Variants in PDPK1 observed in about 807,000 individuals in gnomAD.
PDPK1 encodes the protein 3-phosphoinositide dependent protein kinase 1.
A neutral mutation model predicts 39.8 loss-of-function variants in PDPK1; 7 were observed. The ratio of observed to expected loss-of-function variants is 0.18; its 90% CI spans 0.10 to 0.33. The LOEUF (loss-of-function observed/expected upper bound fraction) is 0.33. Ranked by LOEUF, PDPK1 falls within the 10% of genes least tolerant of loss-of-function variation. PDPK1 has a pLI of 1.00. For synonymous variants in PDPK1, 118 were observed against 159.1 expected (o/e 0.74, Z 1.95); for missense variants, 182 against 384.7 (o/e 0.47, Z 4.41).
In PDPK1 at chr16:2,602,658, G is replaced by A. The variant is rs1350713080; in HGVS notation, c.*4891G>A. The A allele has an allele frequency of 4.7e-5, 11 of 234,684 alleles. No individual in the cohort carries two copies. The highest frequency in any genetic ancestry group is 8.5e-5 in the Non-Finnish European group (10 of 118,046). 14.5% of individuals were successfully genotyped at this position (234,684 alleles called of 1,614,324 possible). ...TACAGTATTTAGAGCTGCTGTAGCT[G>A]TTCCTTCACAACATAAAATAGGATA... On this transcript the variant is annotated 3_prime_UTR_variant, in exon 14 of 14. Coordinates refer to ENST00000342085, the MANE Select transcript of PDPK1 (RefSeq NM_002613.5).
Position 2,602,462 on chromosome 16 carries a change from G to A in PDPK1, c.*4695G>A, listed in dbSNP as rs1320208597. 4.3e-6 allele frequency: 1 copy of A among 235,168 alleles called. No homozygotes were observed. The highest frequency in any genetic ancestry group is 2.2e-5 in the African/African-American group (1 of 45,352). The allele number at this position is 235,168 out of a possible 1,614,324, so 14.6% of individuals were successfully genotyped here. On this transcript the variant is annotated 3_prime_UTR_variant, in exon 14 of 14. Transcript: ENST00000342085. The stretch of plus-strand genomic sequence containing the variant: ...CCGTAACTCATTTCTTCCATATGAA[G>A]AAACACCAAACTATGTACAGAGAAC...
At chr16:2,577,792 G>T (rs138961884) in intron 7 of PDPK1, among the ~76,000 whole-genome samples, 4,027 of 149,108 alleles carry the variant, frequency 0.027, 153 homozygotes, top group African/African-American at 0.096. Flanking sequence ...AGACTGGAGT[G>T]CAGTGGCACC....
chr16:2,585,826 C>T (rs919296926), intron 10 of PDPK1, among the ~76,000 whole-genome samples: 4 of 152,198 alleles, frequency 2.6e-5, no homozygotes, highest in African/African-American at 7.2e-5. Context: ...TGGATGGTTG[C>T]GTGGGGCAGC....
At position 2,597,652 on chromosome 16, in the gene PDPK1, C is replaced by T. The variant is rs1423482494; in HGVS notation, c.1556C>T (p.Pro519Leu). 1.2e-6 allele frequency: 2 copies of T among 1,609,736 alleles called. No homozygotes were observed. The highest frequency in any genetic ancestry group is 1.1e-5 in the South Asian group (1 of 90,960). The change falls in exon 14 of 14, where the codon CCT becomes CTT. Residue 519 changes from proline (P) to leucine (L), a missense_variant and splice_region_variant. Pro to Leu is a moderately conservative substitution (Grantham distance 98). This residue lies in a region of PDPK1 where 67 missense variants were observed against 87.8 expected (regional missense o/e 0.76). Coordinates refer to ENST00000342085, the MANE Select transcript of PDPK1 (RefSeq NM_002613.5). The surrounding 1 kb of genome is among the most constrained non-coding windows in gnomAD (Gnocchi z 6.3). Reference sequence around the variant, plus strand: ...ACTAAACGGCTTCTGTCTTCGCAGCCTAACAGGACGTATTATCTGATGGAC... The same window carrying T: ...ACTAAACGGCTTCTGTCTTCGCAGCTTAACAGGACGTATTATCTGATGGAC... ...KNFKTFFVHT[P>L]NRTYYLMDPS...
Position 2,557,755 on chromosome 16 carries a change from C to T in PDPK1, c.77C>T (p.Pro26Leu), listed in dbSNP as rs1387071207. The T allele has an allele frequency of 2.1e-6, 2 of 935,486 alleles. No individual in the cohort carries two copies. The highest frequency in any genetic ancestry group is 2.6e-5 in the East Asian group (1 of 37,938). 57.9% of individuals were successfully genotyped at this position (935,486 alleles called of 1,614,324 possible). A position where few individuals can be genotyped will look rare whatever the true frequency, so the allele number is the denominator to read the frequency against. Residue 26 changes from proline to leucine, a missense_variant, in exon 2 of 14, where the codon CCA (proline) becomes CTA (leucine). Pro to Leu is a moderately conservative substitution (Grantham distance 98). Transcript: ENST00000342085. ...GTGGTGTTATGTTCCTGCCCATCCCCATCAATGGTGAGGACCCAGACTGAG... is the reference window on the plus strand; with the variant it reads ...GTGGTGTTATGTTCCTGCCCATCCCTATCAATGGTGAGGACCCAGACTGAG... Reference protein sequence around the residue: ...SSVVLCSCPSPSMVRTQTESS... With the variant: ...SSVVLCSCPSLSMVRTQTESS...
chr16:2,543,626 T>G (rs1215783682), intron 1 of PDPK1, among the ~76,000 whole-genome samples: 3 of 151,562 alleles, frequency 2.0e-5, no homozygotes, highest in Middle Eastern at 3.2e-3. Context: ...AGTTCTTGTC[T>G]TCTTCAGGCT....
chr16:2,550,121 C>T (rs1341813593), intron 1 of PDPK1, among the ~76,000 whole-genome samples: 3 of 146,740 alleles, frequency 2.0e-5, no homozygotes, highest in Admixed American at 7.2e-5. Context: ...GAAAGGATGC[C>T]GATGGTACCC....
chr16:2,541,213 G>A (rs573906868), intron 1 of PDPK1, among the ~76,000 whole-genome samples: 18 of 152,336 alleles, frequency 1.2e-4, no homozygotes, highest in South Asian at 4.1e-4. Context: ...AGCTCTTCTT[G>A]ACAGGTCTTG....
intron 11 of PDPK1, chr16:2,592,400 G>GC (rs2067008054): frequency 3.7e-6 from 1 of 273,884 alleles, no homozygotes; most frequent in Non-Finnish European, 7.1e-6. Flanking sequence ...TTCAGCTCTT[G>GC]CCCAGCCTCC....
chr16:2,584,795 G>A (rs2066829354), intron 10 of PDPK1, among the ~76,000 whole-genome samples: 1 of 152,176 alleles, frequency 6.6e-6, no homozygotes, highest in South Asian at 2.1e-4. Flanking sequence ...CAAACTCTAA[G>A]GGAGCCAGGC....
At position 2,602,010 on chromosome 16, in the gene PDPK1, TG is replaced by T. The variant is rs1338709018; in HGVS notation, c.*4245del. On this transcript the variant is annotated 3_prime_UTR_variant, in exon 14 of 14. Transcript: ENST00000342085. ...GATTATGGCCAAATTGCACGGAATT[TG>T]GTTTCTTGCCCTCTGAAGCCTGAGG... 4.3e-5 allele frequency: 10 copies of T among 234,166 alleles called. No individual in the cohort carries two copies. In the East Asian group the frequency reaches 6.1e-4, roughly 14 times the overall value. The allele number at this position is 234,166 out of a possible 1,614,324, so 14.5% of individuals were successfully genotyped here.
chr16:2,590,074 G>C (rs959124983), intron 11 of PDPK1, among the ~76,000 whole-genome samples: 1 of 152,340 alleles, frequency 6.6e-6, no homozygotes, highest in South Asian at 2.1e-4. Flanking sequence ...TCTACAGACA[G>C]CCTGGACCTG....
chr16:2,602,588 C>G lies in PDPK1; in HGVS notation c.*4821C>G, dbSNP rs2142022174. 4.3e-6 allele frequency: 1 copy of G among 234,464 alleles called. No homozygotes were observed. The highest frequency in any genetic ancestry group is 6.0e-5 in the East Asian group (1 of 16,596). 14.5% of individuals were successfully genotyped at this position (234,464 alleles called of 1,614,324 possible). ...GGGGTCATTGTGCTGGTAAAAGCCT[C>G]TATTACGACTGTAAGTAAGTTGGAT... On this transcript the variant is annotated 3_prime_UTR_variant, in exon 14 of 14. Coordinates refer to ENST00000342085, the MANE Select transcript of PDPK1 (RefSeq NM_002613.5).
Position 2,586,905 on chromosome 16 carries a change from T to G in PDPK1, c.1343+12T>G, listed in dbSNP as rs768168208. 18 of 1,611,154 alleles carry G rather than the reference T, an allele frequency of 1.1e-5. No individual in the cohort carries two copies. In the Admixed American group the frequency reaches 2.8e-4, roughly 25 times the overall value. On this transcript the variant is annotated intron_variant, in intron 11 of 13. Coordinates refer to ENST00000342085, the MANE Select transcript of PDPK1 (RefSeq NM_002613.5). ...GGCGGAAACCCTTGGTAAGAACTTATGGACATAAGCAATGCTTTTTGCAGA... is the reference window on the plus strand; with the variant it reads ...GGCGGAAACCCTTGGTAAGAACTTAGGGACATAAGCAATGCTTTTTGCAGA...
chr16:2,559,541 ATTTAAC>A (rs967318354), intron 2 of PDPK1, among the ~76,000 whole-genome samples: 3 of 150,618 alleles, frequency 2.0e-5, no homozygotes, highest in South Asian at 4.2e-4. Flanking sequence ...TCTCTTTTTA[ATTTAAC>A]TTTATTTTAT....
intron 1 of PDPK1, among the ~76,000 whole-genome samples, chr16:2,544,585 C>T (rs908703474): frequency 6.6e-6 from 1 of 152,130 alleles, no homozygotes; most frequent in East Asian, 1.9e-4. Context: ...CCTCACCTCC[C>T]CCAAATTTTT....
chr16:2,540,978 C>G (rs1307523419), intron 1 of PDPK1, among the ~76,000 whole-genome samples: 5 of 152,096 alleles, frequency 3.3e-5, no homozygotes, highest in Admixed American at 1.3e-4. Flanking sequence ...TTTTCTCTCT[C>G]CTTTTGGGGA....
intron 1 of PDPK1, chr16:2,538,592 C>G: frequency 1.6e-6 from 2 of 1,287,668 alleles, no homozygotes; most frequent in Non-Finnish European, 2.0e-6. Context: ...CTGAAAGCAC[C>G]TGATGCTCCT....
intron 1 of PDPK1, among the ~76,000 whole-genome samples, chr16:2,541,597 G>A (rs1275110874): frequency 6.6e-6 from 1 of 152,196 alleles, no homozygotes; most frequent in Non-Finnish European, 1.5e-5. Context: ...GGGCCAGGGT[G>A]CTCTATGCTG....
Sources: allele counts gnomAD v4.1 joint callset (sites outside exome capture counted in the v4.1 genomes callset), GRCh38; gene constraint gnomAD v4.1.1; regional missense constraint gnomAD v4.1.1; non-coding constraint Gnocchi (gnomAD v3.1); transcripts MANE v1.5; gene names NCBI Gene and HGNC (gene_info 2026-07-23, HGNC 2026-07-21).